ASB15: variants seen among roughly 807,000 people sequenced by gnomAD.
ASB15 encodes ankyrin repeat and SOCS box containing 15.
ASB15 carries 54 observed loss-of-function variants against 58.0 expected under a neutral mutation model. The observed-to-expected ratio is 0.93, with a 90% CI of 0.75 to 1.17. The LOEUF is 1.17. Among genes scored for constraint, ASB15 ranks in the 50% most tolerant of loss-of-function variants. The probability of loss-of-function intolerance (pLI) is 0.00; values close to 1 mark genes in which losing one functional copy is unlikely to be tolerated. For missense variants in ASB15, 680 were observed against 707.4 expected, an observed-to-expected ratio of 0.96 and a Z score of 0.44; for synonymous variants, 249 against 262.4, an observed-to-expected ratio of 0.95 and a Z score of 0.50.
In ASB15 at chr7:123,616,047, T is replaced by C. The variant is rs574598727; in HGVS notation, c.108-174T>C. Among the ~76,000 whole-genome samples, 48 of 152,308 alleles carry C rather than the reference T, an allele frequency of 3.2e-4. 1 individual carries two copies. The South Asian group carries it at 9.5e-3, about 30-fold the overall frequency. On this transcript the variant is annotated intron_variant, in intron 4 of 11. Coordinates refer to ENST00000451215, the MANE Select transcript of ASB15 (RefSeq NM_001290258.2). ...AGATCAATGCATCATAAATATACTC[T>C]GTGTCTGACTCCCATACATTTACTT...
At chr7:123,603,450 T>A (rs1322086209) in intron 1 of ASB15, among the ~76,000 whole-genome samples, 1 of 152,170 alleles carries the variant, frequency 6.6e-6, no homozygotes, top group African/African-American at 2.4e-5. Context: ...TATTCCTTGA[T>A]GATGGTCTTA....
chr7:123,627,961 G>A (rs764872420), intron 9 of ASB15, among the ~76,000 whole-genome samples: 20 of 152,278 alleles, frequency 1.3e-4, no homozygotes, highest in Non-Finnish European at 2.2e-4. Flanking sequence ...GGCCAGTGAC[G>A]CATAATTGAT....
intron 1 of ASB15, among the ~76,000 whole-genome samples, chr7:123,568,445 G>A (rs551750419): frequency 2.0e-5 from 3 of 151,978 alleles, no homozygotes; most frequent in Admixed American, 6.6e-5. Flanking sequence ...GCTTGAACCC[G>A]GGAGGGTGGA....
At chr7:123,626,008 C>G (rs1801747109) in intron 8 of ASB15, among the ~76,000 whole-genome samples, 1 of 152,142 alleles carries the variant, frequency 6.6e-6, no homozygotes, top group Non-Finnish European at 1.5e-5. Context: ...GAGCCACAGT[C>G]CCCTACATCA....
intron 7 of ASB15, among the ~76,000 whole-genome samples, chr7:123,623,669 G>T (rs1347219440): frequency 6.6e-6 from 1 of 151,926 alleles, no homozygotes; most frequent in Non-Finnish European, 1.5e-5. Flanking sequence ...TTTGAGACCA[G>T]CCTGACCAAC....
At chr7:123,615,040 T>C (rs533870597) in intron 4 of ASB15, among the ~76,000 whole-genome samples, 15 of 152,210 alleles carry the variant, frequency 9.9e-5, no homozygotes, top group Non-Finnish European at 1.3e-4. Flanking sequence ...CATTGTTGTA[T>C]GTTTAAAATA....
intron 1 of ASB15, among the ~76,000 whole-genome samples, chr7:123,580,924 A>G (rs1344112535): frequency 6.6e-6 from 1 of 152,052 alleles, no homozygotes; most frequent in Admixed American, 6.6e-5. Context: ...AAAAGAGACC[A>G]ATATTAACAA....
At position 123,617,591 on chromosome 7, in the gene ASB15, C is replaced by T. The variant is rs761393352; in HGVS notation, c.305C>T (p.Thr102Ile). 3.1e-6 allele frequency: 5 copies of T among 1,610,076 alleles called. No individual in the cohort carries two copies. In the South Asian group the frequency reaches 5.5e-5, roughly 18 times the overall value. Reference sequence around the variant, plus strand: ...TTTCATGTCACAGCATCCTATAAGACACTCTGGGAATTCAAGACCTGTGAT... The same window carrying T: ...TTTCATGTCACAGCATCCTATAAGATACTCTGGGAATTCAAGACCTGTGAT... Reference protein sequence around the residue: ...LEIVLDASYKTLWEFKTCDGE... With the variant: ...LEIVLDASYKILWEFKTCDGE... The change falls in exon 7 of 12, where the codon ACA (threonine) becomes ATA (isoleucine). Residue 102 changes from threonine (T) to isoleucine (I), a missense_variant. Transcript: ENST00000451215.
chr7:123,576,599 T>G (rs1584724694), intron 1 of ASB15, among the ~76,000 whole-genome samples: 1 of 152,162 alleles, frequency 6.6e-6, no homozygotes. Flanking sequence ...TCTATGGGAT[T>G]CTCTGTGTAG....
At chr7:123,600,134 T>C (rs139792354), upstream of ASB15, among the ~76,000 whole-genome samples, 111 of 152,284 alleles carry the variant, frequency 7.3e-4, 2 homozygotes, top group East Asian at 0.017. Flanking sequence ...TGTATCATCA[T>C]CATCATCATC....
Position 123,627,209 on chromosome 7 carries a change from G to C in ASB15, c.797G>C (p.Gly266Ala). 1.2e-6 allele frequency: 2 copies of C among 1,614,012 alleles called. No homozygotes were observed. The highest frequency in any genetic ancestry group is 1.7e-5 in the Admixed American group (1 of 60,016). The change falls in exon 9 of 12, where the codon GGA becomes GCA. Residue 266 changes from glycine to alanine, a missense_variant. By Grantham distance (60) the Gly-to-Ala change is moderately conservative. Transcript: ENST00000451215. Reference sequence around the variant, plus strand: ...TGCATTTCCCTCCTGCTGGAATATGGAGGAAGCGGAAATGTACCTAACCGA... The same window carrying C: ...TGCATTTCCCTCCTGCTGGAATATGCAGGAAGCGGAAATGTACCTAACCGA... Reference protein sequence around the residue: ...PDCISLLLEYGGSGNVPNRAG... With the variant: ...PDCISLLLEYAGSGNVPNRAG...
chr7:123,590,926 G>A (rs76285571), intron 1 of ASB15, among the ~76,000 whole-genome samples: 10 of 151,976 alleles, frequency 6.6e-5, no homozygotes, highest in South Asian at 6.2e-4. Context: ...TCTTCCTATC[G>A]ATGAGTATGG....
At chr7:123,624,987 C>A in intron 8 of ASB15, 173 bp downstream of exon 8, 1 of 724,438 alleles carries the variant, frequency 1.4e-6, no homozygotes, top group Non-Finnish European at 2.2e-6. Context: ...CCTTATTCTA[C>A]AACTCAGCTA....
intron 1 of ASB15, among the ~76,000 whole-genome samples, chr7:123,581,093 G>T (rs534514833): frequency 6.6e-6 from 1 of 151,780 alleles, no homozygotes; most frequent in East Asian, 2.0e-4. Flanking sequence ...TTGTATTTAC[G>T]GATAATTCAG....
At chr7:123,609,600 G>C (rs540495834) in intron 3 of ASB15, among the ~76,000 whole-genome samples, 2 of 152,324 alleles carry the variant, frequency 1.3e-5, no homozygotes, top group South Asian at 4.1e-4. Flanking sequence ...GCCCAAGACA[G>C]AGTGTGAGGG....
At chr7:123,600,588 TTAA>T (rs1461199076), upstream of ASB15, among the ~76,000 whole-genome samples, 1 of 152,338 alleles carries the variant, frequency 6.6e-6, no homozygotes, top group East Asian at 1.9e-4. Context: ...CCAAATTAGA[TTAA>T]TAATGATAAA....
chr7:123,616,536 A>T, intron 6 of ASB15, 41 bp downstream of exon 6: 1 of 1,577,336 alleles, frequency 6.3e-7, no homozygotes, highest in Non-Finnish European at 8.7e-7. Flanking sequence ...CCAGAGCAAG[A>T]ATGTTGATAT....
intron 3 of ASB15, among the ~76,000 whole-genome samples, chr7:123,611,358 G>A (rs1800446383): frequency 1.3e-5 from 2 of 151,986 alleles, no homozygotes; most frequent in Non-Finnish European, 2.9e-5. Flanking sequence ...GCAGTGGCGC[G>A]ATCTCGGCTC....
At chr7:123,568,282 G>A (rs563598729) in intron 1 of ASB15, among the ~76,000 whole-genome samples, 1 of 152,254 alleles carries the variant, frequency 6.6e-6, no homozygotes, top group East Asian at 1.9e-4. Context: ...GGAGGCTGAG[G>A]CGGGCAGATC....
Sources: allele counts gnomAD v4.1 joint callset (sites outside exome capture counted in the v4.1 genomes callset), GRCh38; gene constraint gnomAD v4.1.1; transcripts MANE v1.5; gene names NCBI Gene and HGNC (gene_info 2026-07-23, HGNC 2026-07-21).